Variants in TPRG1 observed in about 807,000 individuals in gnomAD.
TPRG1 encodes the protein tumor protein p63-regulated gene 1 protein.
A neutral mutation model predicts 29.3 loss-of-function variants in TPRG1; 29 were observed. That is an observed-to-expected ratio of 0.99 (90% CI 0.74 to 1.35). The LOEUF is 1.35. Ranked by LOEUF, TPRG1 falls within the 40% of genes most tolerant of loss-of-function variation. The pLI is 0.00. For missense variants in TPRG1, 327 were observed against 335.0 expected (o/e 0.98, Z 0.19); for synonymous variants, 130 against 116.8 (o/e 1.11, Z -0.73).
intron 4 of TPRG1, among the ~76,000 whole-genome samples, chr3:189,240,751 A>G (rs544028019): frequency 6.6e-6 from 1 of 152,330 alleles, no homozygotes; most frequent in African/African-American, 2.4e-5. Context: ...TTGGGTGGGG[A>G]CATAGTCAAA....
intron 4 of TPRG1, among the ~76,000 whole-genome samples, chr3:189,253,835 G>T (rs993282118): frequency 7.9e-6 from 1 of 126,284 alleles, no homozygotes; most frequent in Non-Finnish European, 1.9e-5. Context: ...TTTGATCTAC[G>T]TTTCTCTAAT....
chr3:189,078,091 C>CTCTTTCTCTCTTTCTTTCTT (rs1553899974), intron 4 of TPRG1, among the ~76,000 whole-genome samples: 6 of 85,200 alleles, frequency 7.0e-5, no homozygotes, highest in East Asian at 3.6e-4. Flanking sequence ...CTCTCTTTCT[C>CTCTTTCTCTCTTTCTTTCTT]TCTTTCTTTC....
chr3:189,047,088 A>G (rs1181906381), intron 4 of TPRG1, among the ~76,000 whole-genome samples: 1 of 152,176 alleles, frequency 6.6e-6, no homozygotes, highest in Non-Finnish European at 1.5e-5. Context: ...GGCCAAGTAG[A>G]TGGAGCGAAG....
chr3:189,066,081 A>T (rs1181723176), intron 4 of TPRG1, among the ~76,000 whole-genome samples: 2 of 152,158 alleles, frequency 1.3e-5, no homozygotes, highest in Non-Finnish European at 2.9e-5. Flanking sequence ...AGAAGTGGGT[A>T]AATTCTTAGA....
chr3:189,163,128 C>T (rs1487314671), intron 5 of TPRG1, among the ~76,000 whole-genome samples: 2 of 152,060 alleles, frequency 1.3e-5, no homozygotes, highest in Admixed American at 6.6e-5. Flanking sequence ...AAAAAATTAG[C>T]TGGGCACGGT....
chr3:189,164,314 C>G (rs550607252), intron 5 of TPRG1, among the ~76,000 whole-genome samples: 1 of 152,180 alleles, frequency 6.6e-6, no homozygotes, highest in East Asian at 1.9e-4. Flanking sequence ...AGGTGCCCAC[C>G]ATCATGCCTG....
intron 5 of TPRG1, among the ~76,000 whole-genome samples, chr3:189,164,546 C>T (rs577921326): frequency 1.8e-4 from 28 of 151,694 alleles, no homozygotes; most frequent in African/African-American, 6.8e-4. Context: ...TGTTCATTAT[C>T]TACTTTTCTA....
intron 5 of TPRG1, among the ~76,000 whole-genome samples, chr3:189,153,589 A>G (rs1304181450): frequency 6.6e-6 from 1 of 152,112 alleles, no homozygotes; most frequent in African/African-American, 2.4e-5. Context: ...AGCTCCCATC[A>G]GCCCCAGGTA....
At chr3:189,028,507 C>T (rs1346220859) in intron 4 of TPRG1, among the ~76,000 whole-genome samples, 1 of 151,908 alleles carries the variant, frequency 6.6e-6, no homozygotes, top group Admixed American at 6.6e-5. Context: ...GTGGTTCTGT[C>T]ATATCTGAGA....
chr3:189,262,326 A>G (rs1359285500), intron 4 of TPRG1, among the ~76,000 whole-genome samples: 1 of 151,984 alleles, frequency 6.6e-6, no homozygotes, highest in Non-Finnish European at 1.5e-5. Context: ...GGTGTGGGAG[A>G]GGAAGAGAAG....
intron 4 of TPRG1, among the ~76,000 whole-genome samples, chr3:189,285,535 C>T (rs761963275): frequency 2.6e-5 from 4 of 152,214 alleles, no homozygotes; most frequent in Non-Finnish European, 5.9e-5. Flanking sequence ...TTACTGATAC[C>T]TTTCCAGATT....
At position 189,312,064 on chromosome 3, in the gene TPRG1, A is replaced by C. The variant is rs558559946; in HGVS notation, c.633+1525A>C. Among the ~76,000 whole-genome samples the C allele has an allele frequency of 2.0e-5, 3 of 150,872 alleles. No individual in the cohort carries two copies. In the South Asian group the frequency reaches 6.3e-4, roughly 32 times the overall value. ...CTCTGTTTCAAAAATTATTGTTAACAATGCAGAACACTTTATGTTTCTTTC... is the reference window on the plus strand; with the variant it reads ...CTCTGTTTCAAAAATTATTGTTAACCATGCAGAACACTTTATGTTTCTTTC... On this transcript the variant is annotated intron_variant, in intron 5 of 5. Transcript: ENST00000345063.
intron 3 of TPRG1, among the ~76,000 whole-genome samples, chr3:189,139,197 T>C (rs1002172284): frequency 4.6e-5 from 7 of 152,230 alleles, no homozygotes; most frequent in Non-Finnish European, 1.0e-4. Context: ...GAAAAATGTA[T>C]GCTCAGAGAT....
At chr3:189,284,001 G>T (rs1056029846) in intron 4 of TPRG1, among the ~76,000 whole-genome samples, 3 of 152,148 alleles carry the variant, frequency 2.0e-5, no homozygotes, top group African/African-American at 7.2e-5. Context: ...CAGATTGTAT[G>T]AAAATCAGGG....
chr3:189,254,706 G>C (rs989202114), intron 4 of TPRG1, among the ~76,000 whole-genome samples: 4 of 152,134 alleles, frequency 2.6e-5, no homozygotes, highest in Admixed American at 1.3e-4. Context: ...TTGAGCAGTG[G>C]TTTGTAGTTC....
Position 189,238,805 on chromosome 3 carries a change from C to G in TPRG1, c.375C>G (p.Tyr125Ter). Reference sequence around the variant, plus strand: ...ACAAGACTCTCTTGATCTGCAAATACGACTTCATCATGCTGAGTTGTGTGC... The same window carrying G: ...ACAAGACTCTCTTGATCTGCAAATAGGACTTCATCATGCTGAGTTGTGTGC... ...VTDKTLLICK[Y>*]DFIMLSCVQL... The change falls in exon 4 of 6, where the codon TAC becomes TAG. Residue 125 changes from tyrosine to a stop codon, truncating the protein, a stop_gained. Coordinates refer to ENST00000345063, the MANE Select transcript of TPRG1 (RefSeq NM_198485.4). LOFTEE classifies it high-confidence loss of function. 3 of 1,613,774 alleles carry G rather than the reference C, an allele frequency of 1.9e-6. No homozygotes were observed. The highest frequency in any genetic ancestry group is 2.5e-6 in the Non-Finnish European group (3 of 1,179,744).
intron 5 of TPRG1, among the ~76,000 whole-genome samples, chr3:189,156,875 G>A (rs1726761158): frequency 6.6e-6 from 1 of 152,158 alleles, no homozygotes; most frequent in Non-Finnish European, 1.5e-5. Flanking sequence ...ATTATCTGGA[G>A]GCTTGTTAAT....
Position 189,285,502 on chromosome 3 carries a change from T to C in TPRG1, c.480-24884T>C, listed in dbSNP as rs560233286. Among the ~76,000 whole-genome samples, 28 of 152,284 alleles carry C rather than the reference T, an allele frequency of 1.8e-4. 1 individual carries two copies. The South Asian group carries it at 4.1e-3, about 23-fold the overall frequency. Reference sequence around the variant, plus strand: ...TCCAAGTAAATGAAGGAATACCAGATTGCATAAAGCTAAGTAGATTTCTTA... The same window carrying C: ...TCCAAGTAAATGAAGGAATACCAGACTGCATAAAGCTAAGTAGATTTCTTA... On this transcript the variant is annotated intron_variant, in intron 4 of 5. Transcript: ENST00000345063.
chr3:189,081,126 C>T (rs980085095), intron 4 of TPRG1, among the ~76,000 whole-genome samples: 10 of 151,994 alleles, frequency 6.6e-5, no homozygotes, highest in Admixed American at 6.5e-4. Context: ...GGGCTGGTGA[C>T]TGAAGATGAT....
Sources: gnomAD v4.1 joint callset for allele counts (sites outside exome capture counted in the v4.1 genomes callset) on GRCh38, gnomAD v4.1.1 for gene constraint, MANE v1.5 for transcripts, NCBI Gene and HGNC (gene_info 2026-07-23, HGNC 2026-07-21) for gene names.